Variants in EPHA6 observed in about 807,000 individuals in gnomAD.
EPHA6 encodes ephrin type-A receptor 6.
In EPHA6, 50 loss-of-function variants were observed where a neutral mutation model predicts 112.0. The observed-to-expected ratio is 0.45, with a 90% confidence interval of 0.36 to 0.56. The LOEUF (loss-of-function observed/expected upper bound fraction) is 0.56, where lower values mean the gene tolerates loss of function less well. EPHA6 is among the 20% of genes least tolerant of loss of function. EPHA6 has a pLI of 0.00. For missense variants in EPHA6, 1,280 were observed against 1,417.4 expected (o/e 0.90, Z 1.56); for synonymous variants, 529 against 490.7 (o/e 1.08, Z -1.03).
At chr3:97,663,480 C>A (rs1196950858) in intron 14 of EPHA6, among the ~76,000 whole-genome samples, 1 of 145,788 alleles carries the variant, frequency 6.9e-6, no homozygotes, top group African/African-American at 2.6e-5. Flanking sequence ...GCTATCGCTC[C>A]CCCCTCCCCC....
intron 3 of EPHA6, among the ~76,000 whole-genome samples, chr3:97,126,460 A>G (rs2048184902): frequency 6.6e-6 from 1 of 152,220 alleles, no homozygotes; most frequent in African/African-American, 2.4e-5. Context: ...AGACTGCTTT[A>G]TTCTTGGCAT....
chr3:96,980,585 G>A (rs1396533205), intron 2 of EPHA6, among the ~76,000 whole-genome samples: 3 of 152,134 alleles, frequency 2.0e-5, no homozygotes, highest in African/African-American at 7.2e-5. Flanking sequence ...CCAATTCTGT[G>A]AAGAAAGTCA....
chr3:97,315,058 G>A (rs28698413), intron 5 of EPHA6, among the ~76,000 whole-genome samples: 2,496 of 150,690 alleles, frequency 0.017, 103 homozygotes, highest in African/African-American at 0.058. Flanking sequence ...AATCAGTATG[G>A]ATCAGCCTGG....
At chr3:96,911,776 T>A (rs4857051) in intron 2 of EPHA6, among the ~76,000 whole-genome samples, 10,509 of 152,098 alleles carry the variant, frequency 0.069, 717 homozygotes, top group Admixed American at 0.21. Context: ...TCTGTATAAC[T>A]TGAATAAGCT....
rs548153622 is a variant in EPHA6, at chr3:96,833,537, G to A, written c.385+18529G>A. The stretch of plus-strand genomic sequence containing the variant: ...GAGTAAGGATTTATAGCTAGGCATT[G>A]TGGCTCCAAAGCTTGCATTCTTAAG... On this transcript the variant is annotated intron_variant, in intron 1 of 17. Transcript: ENST00000389672. Among the ~76,000 whole-genome samples, 3 of 152,082 alleles carry A rather than the reference G, an allele frequency of 2.0e-5. No individual in the cohort carries two copies. In the South Asian group the frequency reaches 6.2e-4, roughly 32 times the overall value.
At chr3:97,324,395 G>GCTTTCCTTCTTTTCTTT (rs2108793314) in intron 5 of EPHA6, among the ~76,000 whole-genome samples, 1 of 121,564 alleles carries the variant, frequency 8.2e-6, no homozygotes, top group South Asian at 2.6e-4. Flanking sequence ...AGATTTCTTT[G>GCTTTCCTTCTTTTCTTT]CTTTCCTTCT....
intron 11 of EPHA6, among the ~76,000 whole-genome samples, chr3:97,563,687 A>G (rs775039285): frequency 5.3e-5 from 8 of 152,220 alleles, no homozygotes; most frequent in Non-Finnish European, 8.8e-5. Context: ...CCTGGTCCCA[A>G]TATGAAACAA....
At chr3:97,475,564 C>T (rs1021878682) in intron 8 of EPHA6, 104 bp downstream of exon 8, 3 of 745,442 alleles carry the variant, frequency 4.0e-6, no homozygotes, top group African/African-American at 1.8e-5. Context: ...CACCTGAGGT[C>T]GAGAGGGATC....
At chr3:96,997,902 C>A (rs1652627865) in intron 3 of EPHA6, among the ~76,000 whole-genome samples, 1 of 151,920 alleles carries the variant, frequency 6.6e-6, no homozygotes. Context: ...GCAATATCTG[C>A]AAATTGCAAT....
chr3:97,466,178 ACCCTAC>A (rs2091045773), intron 7 of EPHA6: 1 of 692,954 alleles, frequency 1.4e-6, no homozygotes, highest in Non-Finnish European at 2.7e-6. Flanking sequence ...ACTCCATTTC[ACCCTAC>A]ACTTCCAATC....
In EPHA6 at chr3:96,882,597, T is replaced by A. The variant is rs145269138; in HGVS notation, c.450+15708T>A. 2.4e-4 allele frequency among the ~76,000 whole-genome samples: 37 copies of A among 152,270 alleles called. No individual in the cohort carries two copies. In the East Asian group the frequency reaches 7.2e-3, roughly 29 times the overall value. ...TCATAGCTTTGCTCCCATGTATCAG[T>A]GAGAACATACGATGTTTGGTTTCCC... On this transcript the variant is annotated intron_variant, in intron 2 of 17. Transcript: ENST00000389672.
At chr3:97,490,166 T>A (rs2107519354) in intron 10 of EPHA6, among the ~76,000 whole-genome samples, 1 of 152,294 alleles carries the variant, frequency 6.6e-6, no homozygotes, top group Middle Eastern at 3.4e-3. Flanking sequence ...TTCTAAGTAA[T>A]GATTTTACGT....
chr3:97,656,600 T>A (rs1422280565), intron 14 of EPHA6, among the ~76,000 whole-genome samples: 11 of 151,984 alleles, frequency 7.2e-5, no homozygotes, highest in Non-Finnish European at 1.3e-4. Flanking sequence ...TTTCATTTAC[T>A]GTATTTTCCT....
chr3:97,044,696 C>T (rs2045440393), intron 3 of EPHA6, among the ~76,000 whole-genome samples: 1 of 150,898 alleles, frequency 6.6e-6, no homozygotes, highest in South Asian at 2.1e-4. Flanking sequence ...ATCAATTAAC[C>T]AAACAACTAT....
In EPHA6 at chr3:97,754,442, A is replaced by T. The variant is rs989201929; in HGVS notation, c.*5741A>T. 6.6e-6 allele frequency among the ~76,000 whole-genome samples: 1 copy of T among 152,172 alleles called. No individual in the cohort carries two copies. The highest frequency in any genetic ancestry group is 2.4e-5 in the African/African-American group (1 of 41,436). On this transcript the variant is annotated 3_prime_UTR_variant, in exon 18 of 18. Coordinates refer to ENST00000389672, the MANE Select transcript of EPHA6 (RefSeq NM_001080448.3). ...GGATTCTTTGCTCTTAATTCAAAAG[A>T]GTTTTTGTTTTATTAGCATTTACTT... is the stretch of plus-strand genomic sequence containing the variant.
intron 4 of EPHA6, among the ~76,000 whole-genome samples, chr3:97,226,754 T>G (rs774292561): frequency 1.3e-5 from 2 of 152,238 alleles, no homozygotes; most frequent in Non-Finnish European, 2.9e-5. Context: ...AAACTTCTGT[T>G]CTTTGCTTCA....
At chr3:97,291,318 C>A (rs1479740099) in intron 5 of EPHA6, among the ~76,000 whole-genome samples, 1 of 152,086 alleles carries the variant, frequency 6.6e-6, no homozygotes. Context: ...GGAGAATATT[C>A]CATGTGCTGA....
chr3:97,069,930 T>TG (rs1424504503), intron 3 of EPHA6, among the ~76,000 whole-genome samples: 1 of 151,988 alleles, frequency 6.6e-6, no homozygotes, highest in African/African-American at 2.4e-5. Flanking sequence ...GTTTAAGGAG[T>TG]GGGACTGGCT....
intron 2 of EPHA6, among the ~76,000 whole-genome samples, chr3:96,910,342 C>T (rs1339126931): frequency 6.6e-6 from 1 of 152,066 alleles, no homozygotes; most frequent in Non-Finnish European, 1.5e-5. Flanking sequence ...TTAGTCCTTG[C>T]CTGGCAGTTG....
Sources: gnomAD v4.1 joint callset for allele counts (sites outside exome capture counted in the v4.1 genomes callset) on GRCh38, gnomAD v4.1.1 for gene constraint, MANE v1.5 for transcripts, NCBI Gene and HGNC (gene_info 2026-07-23, HGNC 2026-07-21) for gene names.